TASP1: variants seen among roughly 807,000 people sequenced by gnomAD.
TASP1 encodes taspase 1, also known as threonine aspartase 1.
In TASP1, 16 loss-of-function variants were observed where a neutral mutation model predicts 56.6. The observed-to-expected ratio is 0.28, with a 90% CI of 0.19 to 0.43. The LOEUF is 0.43. TASP1 is among the 20% of genes least tolerant of loss of function. TASP1 has a pLI of 1.00. For synonymous variants in TASP1, 179 were observed against 184.2 expected (o/e 0.97, Z 0.23); for missense variants, 393 against 511.6 (o/e 0.77, Z 2.24).
At chr20:13,593,578 C>T (rs566478956) in intron 4 of TASP1, among the ~76,000 whole-genome samples, 1 of 152,348 alleles carries the variant, frequency 6.6e-6, no homozygotes, top group African/African-American at 2.4e-5. Flanking sequence ...AGGTCCCACA[C>T]CCATGGAGCC....
intron 6 of TASP1, among the ~76,000 whole-genome samples, chr20:13,576,273 GGAAGA>G (rs2046907268): frequency 6.8e-6 from 1 of 146,074 alleles, no homozygotes; most frequent in African/African-American, 2.5e-5. Flanking sequence ...AGAAAGGAAG[GGAAGA>G]GAAGAGAAAG....
intron 6 of TASP1, among the ~76,000 whole-genome samples, chr20:13,574,784 T>A (rs1601304960): frequency 6.6e-6 from 1 of 151,934 alleles, no homozygotes; most frequent in Admixed American, 6.6e-5. Flanking sequence ...ATAGAAACTA[T>A]TCAAAATGAA....
At chr20:13,287,794 A>G in the TASP1 span, among the ~76,000 whole-genome samples, 1 of 152,330 alleles carries the variant, frequency 6.6e-6, no homozygotes. Context: ...CCATTAATGT[A>G]TCGGTAATCT....
At chr20:13,627,277 G>T (rs2048927017) in intron 2 of TASP1, among the ~76,000 whole-genome samples, 1 of 152,094 alleles carries the variant, frequency 6.6e-6, no homozygotes, top group South Asian at 2.1e-4. Flanking sequence ...ATGAATTTTT[G>T]ACCCTTAAAT....
chr20:13,181,783 C>A, the TASP1 span, among the ~76,000 whole-genome samples: 1 of 152,156 alleles, frequency 6.6e-6, no homozygotes, highest in African/African-American at 2.4e-5. Context: ...CTCTGAGACG[C>A]AGTTCCTTCA....
chr20:13,168,150 T>C, the TASP1 span: 1 of 152,080 alleles, frequency 6.6e-6, no homozygotes, highest in African/African-American at 2.4e-5. Flanking sequence ...CCCATTTGCT[T>C]TGAATGTGGT....
At chr20:13,225,039 G>C in the TASP1 span, among the ~76,000 whole-genome samples, 1 of 147,972 alleles carries the variant, frequency 6.8e-6, no homozygotes, top group Non-Finnish European at 1.5e-5. Flanking sequence ...ATTTTTAGTA[G>C]AGACGGGGTT....
the TASP1 span, chr20:13,239,081 G>A: frequency 2.0e-5 from 3 of 152,168 alleles, no homozygotes; most frequent in Non-Finnish European, 4.4e-5. Flanking sequence ...TAAATCTGGG[G>A]AATCCACATC....
At chr20:13,548,440 TA>T (rs932112337) in intron 8 of TASP1, among the ~76,000 whole-genome samples, 24 of 151,484 alleles carry the variant, frequency 1.6e-4, no homozygotes, top group African/African-American at 5.6e-4. Flanking sequence ...GGTTGGGACA[TA>T]AAAAAAAGGA....
chr20:13,145,651 T>C, the TASP1 span, among the ~76,000 whole-genome samples: 2 of 152,084 alleles, frequency 1.3e-5, no homozygotes, highest in Non-Finnish European at 2.9e-5. Context: ...TTAAAATTCA[T>C]ATGGAACCAA....
intron 13 of TASP1, among the ~76,000 whole-genome samples, chr20:13,404,220 A>G (rs2041836988): frequency 6.6e-6 from 1 of 152,224 alleles, no homozygotes; most frequent in African/African-American, 2.4e-5. Context: ...TTCACTCAAC[A>G]TAACTTTGTG....
At chr20:13,355,519 TG>T in the TASP1 span, among the ~76,000 whole-genome samples, 1 of 152,234 alleles carries the variant, frequency 6.6e-6, no homozygotes, top group Non-Finnish European at 1.5e-5. Context: ...CTTTGTTCCA[TG>T]GTGTTTTAGG....
chr20:13,609,287 TAGTA>T (rs1206272547), intron 4 of TASP1, among the ~76,000 whole-genome samples: 2 of 151,968 alleles, frequency 1.3e-5, no homozygotes, highest in Non-Finnish European at 2.9e-5. Context: ...AAACAGAAAA[TAGTA>T]AGTGCTAACA....
the TASP1 span, among the ~76,000 whole-genome samples, chr20:13,256,488 C>T: frequency 3.3e-5 from 5 of 151,918 alleles, no homozygotes; most frequent in Non-Finnish European, 5.9e-5. Flanking sequence ...CCTGCCCCCA[C>T]CAGGCAGGTC....
intron 6 of TASP1, among the ~76,000 whole-genome samples, chr20:13,579,078 T>G (rs1303814612): frequency 6.6e-6 from 1 of 152,212 alleles, no homozygotes; most frequent in Non-Finnish European, 1.5e-5. Flanking sequence ...ACTACATCTT[T>G]TTCTCCCTAC....
At chr20:13,417,331 A>T (rs1321865539) in intron 13 of TASP1, 117 bp downstream of exon 13, 4 of 881,518 alleles carry the variant, frequency 4.5e-6, no homozygotes, top group Non-Finnish European at 7.1e-6. Context: ...GCTTATGAAG[A>T]CCACAAAGCT....
chr20:13,270,119 C>T, the TASP1 span, among the ~76,000 whole-genome samples: 1 of 152,216 alleles, frequency 6.6e-6, no homozygotes, highest in Non-Finnish European at 1.5e-5. Context: ...CAACTCTGGA[C>T]ACTAGAGCTA....
intron 12 of TASP1, among the ~76,000 whole-genome samples, chr20:13,430,854 T>G (rs2042781347): frequency 6.6e-6 from 1 of 152,192 alleles, no homozygotes; most frequent in Non-Finnish European, 1.5e-5. Flanking sequence ...ACCTCAAAAG[T>G]GTCTGTTACT....
the TASP1 span, among the ~76,000 whole-genome samples, chr20:13,296,391 G>A: frequency 7.9e-5 from 12 of 152,162 alleles, no homozygotes; most frequent in Admixed American, 2.6e-4. Context: ...AAACAAATCC[G>A]GACTCAGTAA....
Sources: allele counts gnomAD v4.1 joint callset (sites outside exome capture counted in the v4.1 genomes callset), GRCh38; gene constraint gnomAD v4.1.1; transcripts MANE v1.5; gene names NCBI Gene and HGNC (gene_info 2026-07-23, HGNC 2026-07-21).